Variants in MDM4 observed in about 807,000 individuals in gnomAD.
MDM4 encodes the protein protein Mdm4.
Under a neutral mutation model 60.2 loss-of-function variants are expected in MDM4, and 2 were observed. The observed-to-expected ratio is 0.03, with a 90% CI of 0.01 to 0.10. MDM4 has a LOEUF of 0.10. Ranked by LOEUF, MDM4 falls within the 10% of genes least tolerant of loss-of-function variation. The probability of loss-of-function intolerance (pLI) is 1.00; values close to 1 mark genes in which losing one functional copy is unlikely to be tolerated. For missense variants in MDM4, 447 were observed against 577.5 expected (o/e 0.77, Z 2.32); for synonymous variants, 202 against 198.1 (o/e 1.02, Z -0.17).
rs183927334 is a variant in MDM4, at chr1:204,556,750, T to G, written c.*7068T>G. On this transcript the variant is annotated 3_prime_UTR_variant, in exon 11 of 11. Transcript: ENST00000367182. ...ATTATTTTTTTCTCTGTAGTTTGCCTCATTTTTTCACTTTCTTTTCAATGA... is the reference window on the plus strand; with the variant it reads ...ATTATTTTTTTCTCTGTAGTTTGCCGCATTTTTTCACTTTCTTTTCAATGA... 4.2e-5 allele frequency: 9 copies of G among 214,398 alleles called. No individual in the cohort carries two copies. Among genetic ancestry groups the G allele is most frequent in the Admixed American group, 2.9e-4 (5 of 17,172 alleles). 13.3% of individuals were successfully genotyped at this position (214,398 alleles called of 1,614,324 possible). A position where few individuals can be genotyped will look rare whatever the true frequency, so the allele number is the denominator to read the frequency against.
rs535411740 is a variant in MDM4, at chr1:204,538,193, C to T, written c.412-16C>T. On this transcript the variant is annotated splice_polypyrimidine_tract_variant and intron_variant, in intron 6 of 10. Transcript: ENST00000367182. The stretch of plus-strand genomic sequence containing the variant: ...TTATTTCTACTGCACTGATGGACAC[C>T]TTTCCCTTCTTTCAGCAAAGTGCAG... 31 of 1,476,954 alleles carry T rather than the reference C, an allele frequency of 2.1e-5. No homozygotes were observed. Among genetic ancestry groups the T allele is most frequent in the Non-Finnish European group, 2.8e-5 (30 of 1,056,088 alleles). 91.5% of individuals were successfully genotyped at this position (1,476,954 alleles called of 1,614,324 possible). A position where few individuals can be genotyped will look rare whatever the true frequency, so the allele number is the denominator to read the frequency against.
intron 8 of MDM4, among the ~76,000 whole-genome samples, chr1:204,543,164 C>CTACT (rs1474745964): frequency 6.6e-6 from 1 of 152,166 alleles, no homozygotes; most frequent in Non-Finnish European, 1.5e-5. Flanking sequence ...ACTAACAACT[C>CTACT]TACTTAGAGG....
At chr1:204,533,850 A>G (rs1482470572) in intron 5 of MDM4, among the ~76,000 whole-genome samples, 1 of 148,430 alleles carries the variant, frequency 6.7e-6, no homozygotes, top group Non-Finnish European at 1.5e-5. Flanking sequence ...TGGTGCAATC[A>G]TAGTTCACTG....
At chr1:204,526,828 C>T (rs993005210) in intron 3 of MDM4, among the ~76,000 whole-genome samples, 4 of 152,040 alleles carry the variant, frequency 2.6e-5, no homozygotes, top group African/African-American at 7.2e-5. Flanking sequence ...GAAATCAGGC[C>T]TAAGAAAGGA....
In MDM4 at chr1:204,552,890, C is replaced by CTTTT. The variant is rs1558343413; in HGVS notation, c.*3210_*3211insTTTT. 0.027 allele frequency: 3,769 copies of CTTTT among 142,168 alleles called. 5 individuals carry two copies. Among genetic ancestry groups the CTTTT allele is most frequent in the Non-Finnish European group, 0.043 (2,813 of 65,198 alleles). 8.8% of individuals were successfully genotyped at this position (142,168 alleles called of 1,614,324 possible). On this transcript the variant is annotated 3_prime_UTR_variant, in exon 11 of 11. Coordinates refer to ENST00000367182, the MANE Select transcript of MDM4 (RefSeq NM_002393.5). ...TTCTTTTCTTTTTTTTTTTTTTTTA[C>CTTTT]TTGAGATGGAGTTTTGCTCTTGTCG...
rs1418757679 is a variant in MDM4 at position 204,551,248 on chromosome 1, GT to G, written c.*1568del. Reference sequence around the variant, plus strand: ...TTTTGTACAGACAGCATTTTGCCATGTTGCCCAGGCTGGTCCCAAACTTCTA... The same window carrying G: ...TTTTGTACAGACAGCATTTTGCCATGTGCCCAGGCTGGTCCCAAACTTCTA... On this transcript the variant is annotated 3_prime_UTR_variant, in exon 11 of 11. Transcript: ENST00000367182. 1 of 221,278 alleles carries G rather than the reference GT, an allele frequency of 4.5e-6. No homozygotes were observed. Among genetic ancestry groups the G allele is most frequent in the Non-Finnish European group, 9.0e-6 (1 of 110,794 alleles). 13.7% of individuals were successfully genotyped at this position (221,278 alleles called of 1,614,324 possible). A position where few individuals can be genotyped will look rare whatever the true frequency, so the allele number is the denominator to read the frequency against.
intron 3 of MDM4, chr1:204,529,273 G>A (rs924156724): frequency 1.6e-5 from 12 of 738,786 alleles, no homozygotes; most frequent in African/African-American, 1.5e-4. Context: ...GTTGACCAGA[G>A]CCTGCTTCAC....
chr1:204,540,145 T>A (rs1337746973), intron 7 of MDM4, among the ~76,000 whole-genome samples: 1 of 150,858 alleles, frequency 6.6e-6, no homozygotes, highest in Non-Finnish European at 1.5e-5. Context: ...ATTAGCTGGG[T>A]GTGGTGGCGG....
At chr1:204,534,493 T>G (rs1661187770) in intron 5 of MDM4, among the ~76,000 whole-genome samples, 1 of 152,044 alleles carries the variant, frequency 6.6e-6, no homozygotes, top group Non-Finnish European at 1.5e-5. Flanking sequence ...TTGTTGGTTT[T>G]GTTTTGTTTT....
intron 1 of MDM4, among the ~76,000 whole-genome samples, chr1:204,518,253 C>G (rs1659196566): frequency 6.6e-6 from 1 of 152,194 alleles, no homozygotes; most frequent in Non-Finnish European, 1.5e-5. Context: ...CTCCTGGACT[C>G]TAGGGATCCT....
intron 7 of MDM4, among the ~76,000 whole-genome samples, chr1:204,541,719 G>A (rs982766387): frequency 4.6e-5 from 7 of 152,266 alleles, no homozygotes; most frequent in African/African-American, 1.4e-4. Flanking sequence ...TTTGGCTTCT[G>A]ATAGTTTCAA....
chr1:204,549,585 C>T lies in MDM4; in HGVS notation c.1376C>T (p.Thr459Ile), dbSNP rs1663007126. The stretch of plus-strand genomic sequence containing the variant: ...CATGGAAGGACGGGCCATCTTGTCA[C>T]TTGTTTTCACTGTGCCAGAAGACTA... Reference protein sequence around the residue: ...IIHGRTGHLVTCFHCARRLKK... With the variant: ...IIHGRTGHLVICFHCARRLKK... Residue 459 changes from threonine (T) to isoleucine (I), a missense_variant, in exon 11 of 11, where the codon ACT (threonine) becomes ATT (isoleucine). Thr to Ile is a moderately conservative substitution (Grantham distance 89, BLOSUM62 -1). This residue lies in a region of MDM4 where 26 missense variants were observed against 70.0 expected (regional missense o/e 0.37). Coordinates refer to ENST00000367182, the MANE Select transcript of MDM4 (RefSeq NM_002393.5). 6.2e-7 allele frequency: 1 copy of T among 1,613,172 alleles called. No homozygotes were observed. The highest frequency in any genetic ancestry group is 8.5e-7 in the Non-Finnish European group (1 of 1,179,878).
At chr1:204,521,470 G>A (rs1317670116) in intron 1 of MDM4, among the ~76,000 whole-genome samples, 3 of 152,064 alleles carry the variant, frequency 2.0e-5, no homozygotes, top group Admixed American at 2.0e-4. Context: ...GTGGCAACTG[G>A]GGCTGGAAGA....
At chr1:204,539,183 G>A (rs1040685244) in intron 7 of MDM4, among the ~76,000 whole-genome samples, 3 of 151,686 alleles carry the variant, frequency 2.0e-5, no homozygotes, top group Non-Finnish European at 4.4e-5. Flanking sequence ...TTGGGGTTTT[G>A]CCATGTTGGC....
chr1:204,536,247 G>A lies in MDM4; in HGVS notation c.344-1183G>A, dbSNP rs186540691. 6.6e-5 allele frequency among the ~76,000 whole-genome samples: 10 copies of A among 152,250 alleles called. No homozygotes were observed. In the South Asian group the frequency reaches 1.9e-3, roughly 28 times the overall value. ...AGCCAGGGTGACAGAGCAAGACTCC[G>A]TCTCAAACAAACAAAAAAATTGCTC... is the stretch of plus-strand genomic sequence containing the variant. On this transcript the variant is annotated intron_variant, in intron 5 of 10. Transcript: ENST00000367182.
intron 1 of MDM4, among the ~76,000 whole-genome samples, chr1:204,522,466 C>T (rs900074153): frequency 1.6e-4 from 24 of 150,698 alleles, no homozygotes; most frequent in African/African-American, 4.6e-4. Context: ...GGCACGATCT[C>T]GGCTCACTGC....
rs1387146745 is a variant in MDM4 at position 204,554,089 on chromosome 1, T to C, written c.*4407T>C. The C allele has an allele frequency of 4.4e-6, 1 of 229,074 alleles. No homozygotes were observed. Among genetic ancestry groups the C allele is most frequent in the Non-Finnish European group, 8.7e-6 (1 of 115,580 alleles). The allele number at this position is 229,074 out of a possible 1,614,324, so 14.2% of individuals were successfully genotyped here. Reference sequence around the variant, plus strand: ...AAGAATTTATTTTTAAGGGTCAAGGTCATTTGTAACATTTTGTGTGTGTCA... The same window carrying C: ...AAGAATTTATTTTTAAGGGTCAAGGCCATTTGTAACATTTTGTGTGTGTCA... On this transcript the variant is annotated 3_prime_UTR_variant, in exon 11 of 11. Transcript: ENST00000367182.
intron 3 of MDM4, among the ~76,000 whole-genome samples, chr1:204,527,666 G>A (rs1037475376): frequency 2.1e-5 from 3 of 139,708 alleles, no homozygotes; most frequent in African/African-American, 8.0e-5. Flanking sequence ...AAAAGTGTCA[G>A]ACACTCTTCT....
chr1:204,553,811 T>C lies in MDM4; in HGVS notation c.*4129T>C. On this transcript the variant is annotated 3_prime_UTR_variant, in exon 11 of 11. Transcript: ENST00000367182. ...TTTTATTTAATGCTTAAATCAAACT[T>C]TATAAAAATCTTAGACCAGATCTTT... 1 of 219,082 alleles carries C rather than the reference T, an allele frequency of 4.6e-6. No individual in the cohort carries two copies. Among genetic ancestry groups the C allele is most frequent in the Non-Finnish European group, 9.2e-6 (1 of 109,260 alleles). The allele number at this position is 219,082 out of a possible 1,614,324, so 13.6% of individuals were successfully genotyped here. A position where few individuals can be genotyped will look rare whatever the true frequency, so the allele number is the denominator to read the frequency against.
Sources: allele counts gnomAD v4.1 joint callset (sites outside exome capture counted in the v4.1 genomes callset), GRCh38; gene constraint gnomAD v4.1.1; regional missense constraint gnomAD v4.1.1; transcripts MANE v1.5; gene names NCBI Gene and HGNC (gene_info 2026-07-23, HGNC 2026-07-21).